CREB5: variants seen among roughly 807,000 people sequenced by gnomAD.
CREB5 encodes cyclic AMP-responsive element-binding protein 5.
In CREB5, 19 loss-of-function variants were observed where a neutral mutation model predicts 57.1. The ratio of observed to expected loss-of-function variants is 0.33; its 90% CI spans 0.23 to 0.49. The LOEUF (loss-of-function observed/expected upper bound fraction) is 0.49, where lower values mean the gene tolerates loss of function less well. Ranked by LOEUF, CREB5 falls within the 20% of genes least tolerant of loss-of-function variation. The pLI, the probability that CREB5 is intolerant of heterozygous loss-of-function variation, is 0.99. For missense variants in CREB5, 579 were observed against 671.6 expected (o/e 0.86, Z 1.52); for synonymous variants, 238 against 238.3 (o/e 1.00, Z 0.01).
chr7:28,759,772 G>A (rs1056230292), intron 7 of CREB5, among the ~76,000 whole-genome samples: 1 of 152,192 alleles, frequency 6.6e-6, no homozygotes, highest in Admixed American at 6.5e-5. Flanking sequence ...CTCTGCTGCC[G>A]CAGCTCTGGG....
Position 28,570,437 on chromosome 7 carries a change from C to A in CREB5, c.364C>A (p.Leu122Met), listed in dbSNP as rs767135866. ...PGTHQLSSAR[L>M]PNHDTNVVIQ... ...AACTCACCAGCTTAGCAGCGCTCGG[C>A]TGCCCAACCATGACACCAACGTTGT... The change falls in exon 5 of 11, where the codon CTG becomes ATG. Residue 122 changes from leucine to methionine, a missense_variant. Around this residue, in one of 3 missense-constraint regions of CREB5, gnomAD observed 459 missense variants for 515.7 expected, o/e 0.89. Coordinates refer to ENST00000357727, the MANE Select transcript of CREB5 (RefSeq NM_182898.4). 18 of 1,614,112 alleles carry A rather than the reference C, an allele frequency of 1.1e-5. No homozygotes were observed. Among genetic ancestry groups the A allele is most frequent in the Middle Eastern group, 3.3e-4 (2 of 6,084 alleles).
chr7:28,410,530 A>C (rs1377640737), upstream of CREB5: 1 of 456,582 alleles, frequency 2.2e-6, no homozygotes, highest in Admixed American at 2.3e-5. Flanking sequence ...ATTTATTTTT[A>C]AGGGGCGTCT....
At chr7:28,683,954 T>C (rs1303338882) in intron 5 of CREB5, among the ~76,000 whole-genome samples, 1 of 151,950 alleles carries the variant, frequency 6.6e-6, no homozygotes, top group African/African-American at 2.4e-5. Context: ...CCAAAAATAG[T>C]AACATAAATA....
chr7:28,325,078 C>T (rs915863117), intron 1 of CREB5, among the ~76,000 whole-genome samples: 5 of 152,192 alleles, frequency 3.3e-5, no homozygotes, highest in Admixed American at 6.5e-5. Flanking sequence ...TGAACAACCG[C>T]AATAACTTCT....
intron 4 of CREB5, among the ~76,000 whole-genome samples, chr7:28,530,450 G>C (rs1562777806): frequency 6.6e-6 from 1 of 152,148 alleles, no homozygotes; most frequent in South Asian, 2.1e-4. Flanking sequence ...AATGTCAAGG[G>C]CTCCTAATGT....
At chr7:28,347,205 C>G (rs1786078363) in intron 1 of CREB5, among the ~76,000 whole-genome samples, 2 of 152,312 alleles carry the variant, frequency 1.3e-5, no homozygotes, top group South Asian at 2.1e-4. Flanking sequence ...TCTTAAGGCA[C>G]TGATGTAATT....
chr7:28,516,395 T>C (rs1792956349), intron 4 of CREB5, among the ~76,000 whole-genome samples: 1 of 152,184 alleles, frequency 6.6e-6, no homozygotes. Flanking sequence ...TGCTGTATTT[T>C]ACTACAGCAA....
chr7:28,763,804 A>ATTTT (rs1198951308), intron 7 of CREB5, among the ~76,000 whole-genome samples: 6 of 99,472 alleles, frequency 6.0e-5, no homozygotes, highest in Non-Finnish European at 1.2e-4. Flanking sequence ...TATTATTATT[A>ATTTT]TTATTATTTT....
chr7:28,774,103 G>C (rs917484091), intron 7 of CREB5, among the ~76,000 whole-genome samples: 5 of 152,090 alleles, frequency 3.3e-5, no homozygotes, highest in Admixed American at 3.3e-4. Flanking sequence ...TCTTTTAACT[G>C]AAAGGTCACC....
intron 5 of CREB5, 41 bp downstream of exon 5, chr7:28,570,578 A>C (rs746154339): frequency 6.3e-7 from 1 of 1,594,370 alleles, no homozygotes; most frequent in African/African-American, 1.3e-5. Flanking sequence ...CCTGGCTGGA[A>C]CTCAGGAAAT....
chr7:28,654,065 C>T (rs1050748164), intron 5 of CREB5, among the ~76,000 whole-genome samples: 6 of 152,118 alleles, frequency 3.9e-5, no homozygotes, highest in African/African-American at 1.4e-4. Context: ...TTTTCATTTC[C>T]AGTAGCCAAT....
Position 28,316,057 on chromosome 7 carries a change from G to T in CREB5, c.-25+16616G>T, listed in dbSNP as rs192027746. 8.5e-5 allele frequency among the ~76,000 whole-genome samples: 13 copies of T among 152,300 alleles called. No homozygotes were observed. The East Asian group carries it at 2.5e-3, about 29-fold the overall frequency. ...TTTCAAAAACCTGGAGACCCAAGTT[G>T]TTCCAGATCTTGAGTAGAAAACAGG... On this transcript the variant is annotated intron_variant, in intron 1 of 9. Coordinates refer to the CREB5 transcript ENST00000396299.
intron 1 of CREB5, among the ~76,000 whole-genome samples, chr7:28,378,828 T>G (rs1034818273): frequency 6.6e-6 from 1 of 152,182 alleles, no homozygotes; most frequent in East Asian, 1.9e-4. Context: ...CTACTGGCAT[T>G]TGTGTCTTCA....
At position 28,546,665 on chromosome 7, in the gene CREB5, G is replaced by T. The variant is rs1303094892; in HGVS notation, c.292-23700G>T. On this transcript the variant is annotated intron_variant, in intron 4 of 10. Coordinates refer to ENST00000357727, the MANE Select transcript of CREB5 (RefSeq NM_182898.4). The stretch of plus-strand genomic sequence containing the variant: ...TTTATGGCAATGATTATCATCCAGG[G>T]TTATCCCACCTCATCTTGAGAGCTC... Among the ~76,000 whole-genome samples, 3 of 152,164 alleles carry T rather than the reference G, an allele frequency of 2.0e-5. No individual in the cohort carries two copies. The East Asian group carries it at 5.8e-4, about 29-fold the overall frequency.
chr7:28,679,956 G>C (rs1010545027), intron 5 of CREB5, among the ~76,000 whole-genome samples: 1 of 152,156 alleles, frequency 6.6e-6, no homozygotes, highest in African/African-American at 2.4e-5. Flanking sequence ...GAGCCAGGCA[G>C]GCCCAGAGCT....
chr7:28,380,718 C>G (rs575142051), intron 1 of CREB5, among the ~76,000 whole-genome samples: 1 of 152,164 alleles, frequency 6.6e-6, no homozygotes, highest in Admixed American at 6.5e-5. Context: ...CAGGTGGGCA[C>G]TGAAGGAAGC....
intron 1 of CREB5, among the ~76,000 whole-genome samples, chr7:28,381,951 C>A (rs1239471173): frequency 6.6e-6 from 1 of 152,120 alleles, no homozygotes; most frequent in Non-Finnish European, 1.5e-5. Context: ...AGGCTAAGTC[C>A]CACCACAGAC....
chr7:28,559,265 C>T (rs962293657), intron 4 of CREB5, among the ~76,000 whole-genome samples: 8 of 152,146 alleles, frequency 5.3e-5, no homozygotes, highest in South Asian at 2.1e-4. Flanking sequence ...CTGGCCTCTG[C>T]GTGTTGATAT....
At chr7:28,638,488 A>G (rs999522013) in intron 5 of CREB5, among the ~76,000 whole-genome samples, 5 of 151,968 alleles carry the variant, frequency 3.3e-5, no homozygotes, top group African/African-American at 1.2e-4. Context: ...CTGAGACCAT[A>G]GGCACCTACC....
Sources: gnomAD v4.1 joint callset for allele counts (sites outside exome capture counted in the v4.1 genomes callset) on GRCh38, gnomAD v4.1.1 for gene constraint, gnomAD v4.1.1 regional missense constraint, MANE v1.5 for transcripts, NCBI Gene and HGNC (gene_info 2026-07-23, HGNC 2026-07-21) for gene names.